SPATA31A7: variants seen among roughly 807,000 people sequenced by gnomAD.
SPATA31A7 encodes the protein SPATA31 subfamily A member 7, also known as spermatogenesis-associated protein 31A7.
In SPATA31A7, 2 loss-of-function variants were observed where a neutral mutation model predicts 40.5. The ratio of observed to expected loss-of-function variants is 0.05; its 90% CI spans 0.02 to 0.16. SPATA31A7 has a LOEUF of 0.16. Ranked by LOEUF, SPATA31A7 falls within the 10% of genes least tolerant of loss-of-function variation. The pLI, the probability that SPATA31A7 is intolerant of heterozygous loss-of-function variation, is 1.00. For missense variants in SPATA31A7, 36 were observed against 590.3 expected, an observed-to-expected ratio of 0.06 and a Z score of 9.73; for synonymous variants, 17 against 231.9, an observed-to-expected ratio of 0.07 and a Z score of 8.42.
At chr9:61,191,865 G>T in intron 2 of SPATA31A7, 1 of 681,574 alleles carries the variant, frequency 1.5e-6, no homozygotes, top group Non-Finnish European at 2.4e-6. Context: ...AGGACTGTGG[G>T]GGTGGGGGGT....
exon 3 of SPATA31A7, chr9:61,192,086 A>T: frequency 6.5e-7 from 1 of 1,536,732 alleles, no homozygotes; most frequent in Non-Finnish European, 8.7e-7. Context: ...CAGCTGGTAG[A>T]GAGTGCCCGA....
chr9:61,190,185 C>G, exon 1 of SPATA31A7: 2 of 492 alleles, frequency 4.1e-3, no homozygotes, highest in Admixed American at 0.023. Context: ...GTTCTTCTTC[C>G]TATTACTCCC....
In SPATA31A7 at chr9:61,191,449, C is replaced by A. The variant is rs1333717955; in HGVS notation, c.190-4C>A. ...TTGTCTCCGTACGTCATCGTGTCTC[C>A]CAGTGTCCAGTAGGGCGGAGGCGGA... On this transcript the variant is annotated splice_polypyrimidine_tract_variant and splice_region_variant and intron_variant, in intron 1 of 3. Coordinates refer to ENST00000619167, the Ensembl canonical transcript of SPATA31A7. 3 of 1,390,330 alleles carry A rather than the reference C, an allele frequency of 2.2e-6. 1 individual carries two copies. In the East Asian group the frequency reaches 8.4e-5, roughly 39 times the overall value. 86.1% of individuals were successfully genotyped at this position (1,390,330 alleles called of 1,614,324 possible). A position where few individuals can be genotyped will look rare whatever the true frequency, so the allele number is the denominator to read the frequency against.
At chr9:61,192,462 G>C in exon 4 of SPATA31A7, 1 of 1,588,842 alleles carries the variant, frequency 6.3e-7, no homozygotes, top group African/African-American at 1.4e-5. Flanking sequence ...CCCAGGTGAG[G>C]TGGGTGAAAG....
At chr9:61,190,914 TA>T in intron 1 of SPATA31A7, 1 of 22,828 alleles carries the variant, frequency 4.4e-5, no homozygotes, top group Non-Finnish European at 9.4e-5. Flanking sequence ...TATTTTATTT[TA>T]TTTTATTTTA....
At chr9:61,190,845 T>G (rs1437799898) in intron 1 of SPATA31A7, 1 of 35,044 alleles carries the variant, frequency 2.9e-5, no homozygotes, top group Non-Finnish European at 6.1e-5. Flanking sequence ...TGTGTGTGTG[T>G]GTGTATTTTT....
chr9:61,191,462 G>A lies in SPATA31A7; in HGVS notation c.199G>A (p.Gly67Arg). The A allele has an allele frequency of 2.2e-6, 3 of 1,389,830 alleles. 1 individual carries two copies. The highest frequency in any genetic ancestry group is 9.6e-7 in the Non-Finnish European group (1 of 1,044,656). 86.1% of individuals were successfully genotyped at this position (1,389,830 alleles called of 1,614,324 possible). A position where few individuals can be genotyped will look rare whatever the true frequency, so the allele number is the denominator to read the frequency against. ...TCATCGTGTCTCCCAGTGTCCAGTA[G>A]GGCGGAGGCGGAGGCCCAGAGGCAG... is the stretch of plus-strand genomic sequence containing the variant. Residue 67 changes from glycine to arginine, a missense_variant, in exon 2 of 4, where the codon GGG becomes AGG. Gly to Arg is a moderately radical substitution (Grantham distance 125). Transcript: ENST00000619167.
chr9:61,193,077 C>T lies in SPATA31A7; in HGVS notation c.991C>T (p.Gln331Ter). ...TGATGGCCAGAATGTCGTGGGGATA[C>T]AAGTCACAGAAACAGCCAAGGTCAA... The change falls in exon 4 of 4, where the codon CAA becomes TAA. Residue 331 changes from glutamine to a stop codon, truncating the protein, a stop_gained. Coordinates refer to ENST00000619167, the Ensembl canonical transcript of SPATA31A7. LOFTEE classifies it high-confidence loss of function. 3 of 1,348,512 alleles carry T rather than the reference C, an allele frequency of 2.2e-6. 1 individual carries two copies. The South Asian group carries it at 4.3e-5, about 19-fold the overall frequency. 83.5% of individuals were successfully genotyped at this position (1,348,512 alleles called of 1,614,324 possible).
rs1272658452 is a variant in SPATA31A7, at chr9:61,192,903, TCAAA to T, written c.820_823del (p.Asn274ValfsTer80). The T allele has an allele frequency of 4.6e-6, 4 of 862,470 alleles. 1 individual carries two copies. Among genetic ancestry groups the T allele is most frequent in the South Asian group, 3.8e-5 (2 of 53,154 alleles). The allele number at this position is 862,470 out of a possible 1,614,324, so 53.4% of individuals were successfully genotyped here. A position where few individuals can be genotyped will look rare whatever the true frequency, so the allele number is the denominator to read the frequency against. On this transcript the variant is annotated frameshift_variant, in exon 4 of 4. Transcript: ENST00000619167. LOFTEE classifies it high-confidence loss of function. Reference sequence around the variant, plus strand: ...CCCAGCCATCTCAGGCCTTGGTGGCTCAAACAGTCATGTTTCTGCCTCCTCCCGG... The same window carrying T: ...CCCAGCCATCTCAGGCCTTGGTGGCTCAGTCATGTTTCTGCCTCCTCCCGG...
At chr9:61,192,039 C>T (rs769949642) in intron 2 of SPATA31A7, 40 bp from the exon 3 acceptor site, 6 of 1,460,670 alleles carry the variant, frequency 4.1e-6, no homozygotes, top group Middle Eastern at 2.5e-4. Flanking sequence ...AGAACCCAGG[C>T]CCCTCCCTCA....
At chr9:61,190,875 TTTTTATTTTATTTTATTTTATTTTA>T (rs1230511610) in intron 1 of SPATA31A7, 2 of 25,314 alleles carry the variant, frequency 7.9e-5, no homozygotes, top group African/African-American at 2.5e-4. Context: ...GTGTGTGTTA[TTTTTATTTTATTTTATTTTATTTTA>T]TTTTATTTTA....
rs1195885808 is a variant in SPATA31A7 at position 61,191,966 on chromosome 9, G to A, written c.248-113G>A. 5.1e-6 allele frequency: 6 copies of A among 1,181,284 alleles called. No individual in the cohort carries two copies. The African/African-American group carries it at 7.4e-5, about 15-fold the overall frequency. 73.2% of individuals were successfully genotyped at this position (1,181,284 alleles called of 1,614,324 possible). ...GTCATGTGGCTTTGGACACAGATGG[G>A]TGGGGTCCAGGGTCTAATTCCCCAT... is the stretch of plus-strand genomic sequence containing the variant. On this transcript the variant is annotated intron_variant, in intron 2 of 3. Coordinates refer to ENST00000619167, the Ensembl canonical transcript of SPATA31A7.
intron 1 of SPATA31A7, 128 bp from the exon 2 acceptor site, chr9:61,191,325 T>G: frequency 1.1e-6 from 1 of 877,440 alleles, no homozygotes. Context: ...GGTTCCTGAG[T>G]GCAGCATGCT....
At chr9:61,190,526 G>C (rs951004364) in intron 1 of SPATA31A7, among the ~76,000 whole-genome samples, 1 of 2,424 alleles carries the variant, frequency 4.1e-4, no homozygotes, top group African/African-American at 1.3e-3. Flanking sequence ...ACCAGTACCA[G>C]TCATGAGACT....
In SPATA31A7 at chr9:61,190,839, T is replaced by A. The variant is rs1205654374; in HGVS notation, c.189+586T>A. The A allele has an allele frequency of 2.0e-4, 7 of 34,392 alleles. 1 individual carries two copies. Among genetic ancestry groups the A allele is most frequent in the African/African-American group, 6.8e-4 (7 of 10,328 alleles). 2.1% of individuals were successfully genotyped at this position (34,392 alleles called of 1,614,324 possible). A position where few individuals can be genotyped will look rare whatever the true frequency, so the allele number is the denominator to read the frequency against. Reference sequence around the variant, plus strand: ...CTCTGTGTGTGTGTGTGTGTGTGTGTGTGTGTGTGTATTTTTATTTTATTT... The same window carrying A: ...CTCTGTGTGTGTGTGTGTGTGTGTGAGTGTGTGTGTATTTTTATTTTATTT... On this transcript the variant is annotated intron_variant, in intron 1 of 3. Transcript: ENST00000619167.
intron 2 of SPATA31A7, 48 bp from the exon 3 acceptor site, chr9:61,192,031 A>T (rs201904248): frequency 1.4e-6 from 2 of 1,426,360 alleles, no homozygotes; most frequent in East Asian, 5.1e-5. Flanking sequence ...CTCCTGTGAG[A>T]ACCCAGGCCC....
Position 61,193,145 on chromosome 9 carries a change from A to C in SPATA31A7, c.1059A>C (p.Arg353=). ...AAAATGTTGGATCATTTACAAATCG[A>C]ATGACCCCAGAAAAGCACTTAAATT... is the stretch of plus-strand genomic sequence containing the variant. Residue 353 remains arginine (R), a synonymous_variant, in exon 4 of 4, where the codon CGA becomes CGC. Coordinates refer to ENST00000619167, the Ensembl canonical transcript of SPATA31A7. 6 of 1,387,892 alleles carry C rather than the reference A, an allele frequency of 4.3e-6. 1 individual carries two copies. Among genetic ancestry groups the C allele is most frequent in the Non-Finnish European group, 5.7e-6 (6 of 1,048,666 alleles). 86.0% of individuals were successfully genotyped at this position (1,387,892 alleles called of 1,614,324 possible). A position where few individuals can be genotyped will look rare whatever the true frequency, so the allele number is the denominator to read the frequency against.
chr9:61,193,795 G>T lies in SPATA31A7; in HGVS notation c.1709G>T (p.Ser570Ile). The change falls in exon 4 of 4, where the codon AGT (serine) becomes ATT (isoleucine). Residue 570 changes from serine (S) to isoleucine (I), a missense_variant. By Grantham distance (142) the Ser-to-Ile change is moderately radical. Transcript: ENST00000619167. ...GTCCAAAAATCTCAGGACGTCTTTA[G>T]TGTCTCCACTCCTAACCTTCCCCAG... 1 of 420,736 alleles carries T rather than the reference G, an allele frequency of 2.4e-6. No individual in the cohort carries two copies. Among genetic ancestry groups the T allele is most frequent in the Non-Finnish European group, 3.9e-6 (1 of 255,424 alleles). 26.1% of individuals were successfully genotyped at this position (420,736 alleles called of 1,614,324 possible).
At chr9:61,191,316 G>C (rs1210516497) in intron 1 of SPATA31A7, 137 bp from the exon 2 acceptor site, 3 of 807,310 alleles carry the variant, frequency 3.7e-6, no homozygotes, top group Non-Finnish European at 3.6e-6. Context: ...GAGCCATGCG[G>C]TTCCTGAGTG....
Sources: gnomAD v4.1 joint callset for allele counts (sites outside exome capture counted in the v4.1 genomes callset) on GRCh38, gnomAD v4.1.1 for gene constraint, MANE v1.5 for transcripts, NCBI Gene and HGNC (gene_info 2026-07-23, HGNC 2026-07-21) for gene names.